The following DGKB variants were observed in gnomAD, a reference collection of about 807,000 sequenced individuals.
The protein encoded by DGKB is diacylglycerol kinase beta.
Under a neutral mutation model 114.3 loss-of-function variants are expected in DGKB, and 67 were observed. The ratio of observed to expected loss-of-function variants is 0.59; its 90% CI spans 0.48 to 0.72. The LOEUF (loss-of-function observed/expected upper bound fraction) is 0.72. Ranked by LOEUF, DGKB falls within the 30% of genes least tolerant of loss-of-function variation. DGKB has a pLI of 0.00. For synonymous variants in DGKB, 398 were observed against 323.1 expected, an observed-to-expected ratio of 1.23 and a Z score of -2.49; for missense variants, 907 against 975.2, an observed-to-expected ratio of 0.93 and a Z score of 0.93.
rs879721289 is a variant in DGKB at position 14,369,148 on chromosome 7, A to G, written c.1836-23757T>C. Among the ~76,000 whole-genome samples the G allele has an allele frequency of 7.2e-5, 11 of 151,838 alleles. No individual in the cohort carries two copies. In the South Asian group the frequency reaches 8.3e-4, roughly 12 times the overall value. On this transcript the variant is annotated intron_variant, in intron 21 of 25. Coordinates refer to ENST00000402815, the MANE Select transcript of DGKB (RefSeq NM_001350709.2). ...ATGTATTCTCATTGTTTAACTCCCA[A>G]TTATGAGTGAGAACATGCGGTGTTT...
In DGKB at chr7:14,757,045, A is replaced by G. The variant is rs146457605; in HGVS notation, c.147+610T>C. Among the ~76,000 whole-genome samples the G allele has an allele frequency of 6.2e-3, 945 of 152,256 alleles. 4 individuals are homozygous for G. Among genetic ancestry groups the G allele is most frequent in the Non-Finnish European group, 0.01 (704 of 67,962 alleles). On this transcript the variant is annotated intron_variant, in intron 3 of 25. Transcript: ENST00000402815. ...GCAAAGTTTTCATAAGAAAATCTTAAAGAAATCTTAAGCTTACTGGTAAAA... is the reference window on the plus strand; with the variant it reads ...GCAAAGTTTTCATAAGAAAATCTTAGAGAAATCTTAAGCTTACTGGTAAAA...
intron 20 of DGKB, among the ~76,000 whole-genome samples, chr7:14,515,336 T>C (rs1054747074): frequency 3.3e-5 from 5 of 152,134 alleles, no homozygotes; most frequent in African/African-American, 9.7e-5. Context: ...AAACATGAAA[T>C]CAGTGATAAC....
chr7:14,814,030 T>C (rs1414316714), intron 2 of DGKB: 5 of 152,202 alleles, frequency 3.3e-5, no homozygotes, highest in Non-Finnish European at 1.5e-5. Flanking sequence ...CTCAATTCTG[T>C]ATTTTAGTTT....
intron 19 of DGKB, among the ~76,000 whole-genome samples, chr7:14,580,019 T>G (rs1044940320): frequency 6.6e-6 from 1 of 152,220 alleles, no homozygotes; most frequent in Admixed American, 6.6e-5. Context: ...TACCTAGTGG[T>G]GTTCAGTGAT....
intron 13 of DGKB, among the ~76,000 whole-genome samples, chr7:14,641,907 C>A (rs1811877434): frequency 6.6e-6 from 1 of 152,008 alleles, no homozygotes; most frequent in Non-Finnish European, 1.5e-5. Flanking sequence ...GCAAATTGCA[C>A]CAAGTAGATA....
chr7:14,743,379 T>G (rs1832832752), intron 4 of DGKB, among the ~76,000 whole-genome samples: 1 of 152,190 alleles, frequency 6.6e-6, no homozygotes, highest in African/African-American at 2.4e-5. Flanking sequence ...GTTTTCCCTA[T>G]TTTAAAATTT....
At chr7:14,545,596 C>T (rs1227210128) in intron 20 of DGKB, among the ~76,000 whole-genome samples, 2 of 152,126 alleles carry the variant, frequency 1.3e-5, no homozygotes, top group Non-Finnish European at 1.5e-5. Context: ...ACCATGGAGC[C>T]CAGACTAAAG....
chr7:14,693,940 A>G (rs1053686021), intron 9 of DGKB, 135 bp downstream of exon 9: 2 of 940,814 alleles, frequency 2.1e-6, no homozygotes, highest in Non-Finnish European at 3.1e-6. Flanking sequence ...GCACCGTGGC[A>G]TACTTATTAA....
At chr7:14,784,904 T>C (rs1054286762) in intron 2 of DGKB, among the ~76,000 whole-genome samples, 8 of 152,162 alleles carry the variant, frequency 5.3e-5, no homozygotes, top group Admixed American at 1.3e-4. Flanking sequence ...CTATGTGTAT[T>C]TGTTGCTGAA....
chr7:14,197,574 T>A (rs565898390), intron 23 of DGKB, among the ~76,000 whole-genome samples: 2 of 152,210 alleles, frequency 1.3e-5, no homozygotes, highest in South Asian at 4.1e-4. Flanking sequence ...ATATTTAAGA[T>A]CAGTGGGGGT....
chr7:14,884,128 T>G (rs1018081527), intron 1 of DGKB, among the ~76,000 whole-genome samples: 1 of 151,992 alleles, frequency 6.6e-6, no homozygotes, highest in Admixed American at 6.6e-5. Flanking sequence ...TTGCAACTAG[T>G]GATCTCTGTT....
intron 23 of DGKB, among the ~76,000 whole-genome samples, chr7:14,281,568 G>T (rs990296531): frequency 2.7e-5 from 4 of 146,734 alleles, no homozygotes; most frequent in African/African-American, 1.1e-4. Context: ...ATTTTTTTCA[G>T]CACCACACCA....
chr7:14,776,765 G>A (rs1165022718), intron 2 of DGKB, among the ~76,000 whole-genome samples: 1 of 152,252 alleles, frequency 6.6e-6, no homozygotes, highest in African/African-American at 2.4e-5. Context: ...GAAGGGAAAA[G>A]TGGGGTTAGA....
intron 1 of DGKB, among the ~76,000 whole-genome samples, chr7:14,898,878 A>C (rs1481975194): frequency 1.3e-5 from 2 of 152,202 alleles, no homozygotes; most frequent in Non-Finnish European, 2.9e-5. Context: ...GCCAATCAAA[A>C]ATAACTGAGT....
intron 15 of DGKB, among the ~76,000 whole-genome samples, chr7:14,618,173 TTATA>T (rs1671280122): frequency 1.3e-5 from 2 of 151,396 alleles, no homozygotes; most frequent in African/African-American, 4.8e-5. Context: ...AGTGAATTGA[TTATA>T]TAGAGATAAT....
chr7:14,911,906 A>G (rs1278853690), intron 1 of DGKB, among the ~76,000 whole-genome samples: 2 of 152,240 alleles, frequency 1.3e-5, no homozygotes, highest in Non-Finnish European at 2.9e-5. Context: ...ATATGTCAAT[A>G]AAACAGTATG....
At chr7:14,862,148 C>G (rs931960022) in intron 1 of DGKB, among the ~76,000 whole-genome samples, 1 of 151,886 alleles carries the variant, frequency 6.6e-6, no homozygotes, top group South Asian at 2.1e-4. Flanking sequence ...CCCAGCTTCA[C>G]CGAGGTAAAA....
At chr7:14,887,671 A>G (rs993142680) in intron 1 of DGKB, among the ~76,000 whole-genome samples, 10 of 151,800 alleles carry the variant, frequency 6.6e-5, no homozygotes, top group Non-Finnish European at 1.0e-4. Context: ...AAAATAGCAC[A>G]TTAATTAAAA....
In DGKB at chr7:14,847,864, GA is replaced by G. The variant is rs529182793; in HGVS notation, c.-187-6415del. On this transcript the variant is annotated intron_variant, in intron 1 of 25. Transcript: ENST00000402815. ...TCCTGAGCAGAAACTTAGAAGTAAAGAAAAAAACTACAAATATTATAAAATC... is the reference window on the plus strand; with the variant it reads ...TCCTGAGCAGAAACTTAGAAGTAAAGAAAAAACTACAAATATTATAAAATC... Among the ~76,000 whole-genome samples the G allele has an allele frequency of 2.3e-4, 35 of 152,074 alleles. No homozygotes were observed. The East Asian group carries it at 6.6e-3, about 29-fold the overall frequency.
Sources: allele counts gnomAD v4.1 joint callset (sites outside exome capture counted in the v4.1 genomes callset), GRCh38; gene constraint gnomAD v4.1.1; transcripts MANE v1.5; gene names NCBI Gene and HGNC (gene_info 2026-07-23, HGNC 2026-07-21).